MOSPD3: variants seen among roughly 807,000 people sequenced by gnomAD.
MOSPD3 encodes motile sperm domain-containing protein 3.
In MOSPD3, 20 loss-of-function variants were observed where a neutral mutation model predicts 23.3. That is an observed-to-expected ratio of 0.86 (90% CI 0.61 to 1.25). The LOEUF (loss-of-function observed/expected upper bound fraction) is 1.25, where lower values mean the gene tolerates loss of function less well. Among genes scored for constraint, MOSPD3 ranks in the 50% most tolerant of loss-of-function variants. The pLI, the probability that MOSPD3 is intolerant of heterozygous loss-of-function variation, is 0.00. For missense variants in MOSPD3, 307 were observed against 315.7 expected, an observed-to-expected ratio of 0.97 and a Z score of 0.21; for synonymous variants, 136 against 135.2, an observed-to-expected ratio of 1.01 and a Z score of -0.04.
intron 3 of MOSPD3, among the ~76,000 whole-genome samples, chr7:100,614,371 C>A (rs1300912483): frequency 6.6e-6 from 1 of 151,384 alleles, no homozygotes; most frequent in African/African-American, 2.4e-5. Flanking sequence ...GAGGCTAAGG[C>A]AGGAGAATCA....
At chr7:100,612,480 C>G, upstream of MOSPD3, 1 of 254,928 alleles carries the variant, frequency 3.9e-6, no homozygotes, top group Non-Finnish European at 7.5e-6. Context: ...AGATCGTGAG[C>G]TGGGCGTGAG....
At chr7:100,612,419 G>T (rs1802849682), upstream of MOSPD3, 1 of 162,978 alleles carries the variant, frequency 6.1e-6, no homozygotes, top group Non-Finnish European at 1.3e-5. Context: ...GGAGGCGGGC[G>T]TCCGGGAACG....
At chr7:100,613,379 C>A in intron 2 of MOSPD3, 98 bp from the exon 3 acceptor site, 1 of 1,544,150 alleles carries the variant, frequency 6.5e-7, no homozygotes, top group Non-Finnish European at 8.9e-7. Flanking sequence ...TATCCTCTGC[C>A]TGTGCCCCTA....
chr7:100,614,199 C>T (rs544255378), intron 3 of MOSPD3, among the ~76,000 whole-genome samples: 1 of 152,292 alleles, frequency 6.6e-6, no homozygotes, highest in South Asian at 2.1e-4. Context: ...TGTGATGGCT[C>T]ACGCCTATAA....
chr7:100,613,064 C>A, intron 1 of MOSPD3, 68 bp downstream of exon 1: 2 of 1,593,268 alleles, frequency 1.3e-6, no homozygotes, highest in South Asian at 2.2e-5. Context: ...CTGGAGGAGT[C>A]AGATGGGTAG....
Position 100,612,814 on chromosome 7 carries a change from A to T in MOSPD3, c.23A>T (p.Asp8Val). MRRGAPQ[D>V]QELVGPGPPG... ...TGCATGCGCCGTGGGGCGCCCCAGG[A>T]CCAGGAGCTGGTGGGTCCGGGGCCC... is the stretch of plus-strand genomic sequence containing the variant. The change falls in exon 1 of 5, where the codon GAC (aspartate) becomes GTC (valine). Residue 8 changes from aspartate to valine, a missense_variant. Transcript: ENST00000393950. The T allele has an allele frequency of 6.3e-7, 1 of 1,599,976 alleles. No homozygotes were observed. The highest frequency in any genetic ancestry group is 1.1e-5 in the South Asian group (1 of 90,208).
At chr7:100,613,107 G>A in intron 1 of MOSPD3, 87 bp from the exon 2 acceptor site, 1 of 1,580,702 alleles carries the variant, frequency 6.3e-7, no homozygotes, top group Non-Finnish European at 8.7e-7. Context: ...GACTGGGAAA[G>A]TCATGTCCAG....
chr7:100,613,374 T>C, intron 2 of MOSPD3, 103 bp from the exon 3 acceptor site: 2 of 1,544,086 alleles, frequency 1.3e-6, no homozygotes, highest in Non-Finnish European at 1.8e-6. Flanking sequence ...TGCCCTATCC[T>C]CTGCCTGTGC....
At position 100,615,294 on chromosome 7, in the gene MOSPD3, A is replaced by G. The variant is rs978539436; in HGVS notation, c.*111A>G. On this transcript the variant is annotated 3_prime_UTR_variant, in exon 5 of 5. Transcript: ENST00000393950. ...TCCTACCCTCTTCTCTTTCCTGCCT[A>G]CTCCCCACTCCTCCCTGACAAAAAA... 5 of 905,028 alleles carry G rather than the reference A, an allele frequency of 5.5e-6. No individual in the cohort carries two copies. The highest frequency in any genetic ancestry group is 6.6e-6 in the Non-Finnish European group (4 of 606,500). The allele number at this position is 905,028 out of a possible 1,614,324, so 56.1% of individuals were successfully genotyped here.
chr7:100,612,897 G>A lies in MOSPD3; in HGVS notation c.106G>A (p.Val36Ile), dbSNP rs1459465913. The change falls in exon 1 of 5, where the codon GTC becomes ATC. Residue 36 changes from valine (V) to isoleucine (I), a missense_variant. Transcript: ENST00000393950. The part of the protein sequence containing the change: ...PPLGPVVPVL[V>I]FPPDLVFRAD... ...CTTGGGACCCGTTGTCCCGGTCCTG[G>A]TCTTTCCCCCGGATCTAGTATTCAG... 6.2e-7 allele frequency: 1 copy of A among 1,613,412 alleles called. No individual in the cohort carries two copies. The highest frequency in any genetic ancestry group is 8.5e-7 in the Non-Finnish European group (1 of 1,179,878).
At position 100,615,139 on chromosome 7, in the gene MOSPD3, G is replaced by C; in HGVS notation, c.677-13G>C. ...GCCCATGCGACCCTATTCTTTCTTTGTCCCCCCTCCAGGCCTCCTCACCAT... is the reference window on the plus strand; with the variant it reads ...GCCCATGCGACCCTATTCTTTCTTTCTCCCCCCTCCAGGCCTCCTCACCAT... On this transcript the variant is annotated splice_polypyrimidine_tract_variant and intron_variant, in intron 4 of 4. Transcript: ENST00000393950. 1 of 1,614,048 alleles carries C rather than the reference G, an allele frequency of 6.2e-7. No homozygotes were observed. Among genetic ancestry groups the C allele is most frequent in the Non-Finnish European group, 8.5e-7 (1 of 1,179,998 alleles).
Position 100,614,725 on chromosome 7 carries a change from G to A in MOSPD3, c.512-142G>A, listed in dbSNP as rs1191151201. The A allele has an allele frequency of 1.6e-5, 15 of 953,738 alleles. 1 individual carries two copies. Among genetic ancestry groups the A allele is most frequent in the Non-Finnish European group, 2.3e-5 (15 of 659,760 alleles). The allele number at this position is 953,738 out of a possible 1,614,324, so 59.1% of individuals were successfully genotyped here. ...AGAGTTCCAGACCAGCCTGGACAAC[G>A]TAGTGAGACTCCATCTCTACAAAAA... On this transcript the variant is annotated intron_variant, in intron 3 of 4. Coordinates refer to ENST00000393950, the MANE Select transcript of MOSPD3 (RefSeq NM_023948.5).
In MOSPD3 at chr7:100,613,811, T is replaced by C. The variant is rs898331325; in HGVS notation, c.511+105T>C. 4 of 1,035,818 alleles carry C rather than the reference T, an allele frequency of 3.9e-6. No homozygotes were observed. In the Admixed American group the frequency reaches 6.9e-5, roughly 18 times the overall value. The allele number at this position is 1,035,818 out of a possible 1,614,324, so 64.2% of individuals were successfully genotyped here. ...TGAAGAAGTCTCCTGGTTCAGTCTT[T>C]TGTCTTTTGGTGGAAACATTCCTCC... On this transcript the variant is annotated intron_variant, in intron 3 of 4. Coordinates refer to ENST00000393950, the MANE Select transcript of MOSPD3 (RefSeq NM_023948.5).
chr7:100,613,663 T>C lies in MOSPD3; in HGVS notation c.468T>C (p.Pro156=). ...CAGATCCAGCGCCTCGCCCAGGGCC[T>C]CCTGCTGGGACACCACCACCCACGG... ...GQPDPAPRPG[P]PAGTPPPTAR... is the part of the protein sequence containing the mutation. The change falls in exon 3 of 5, where the codon CCT becomes CCC. Residue 156 remains proline, a synonymous_variant. Transcript: ENST00000393950. 1.2e-6 allele frequency: 2 copies of C among 1,613,774 alleles called. No individual in the cohort carries two copies. Among genetic ancestry groups the C allele is most frequent in the Non-Finnish European group, 1.7e-6 (2 of 1,180,014 alleles).
At chr7:100,613,859 G>A in intron 3 of MOSPD3, 153 bp downstream of exon 3, 1 of 737,764 alleles carries the variant, frequency 1.4e-6, no homozygotes, top group South Asian at 1.9e-5. Flanking sequence ...TATATCAGGT[G>A]AGGGGGAAAA....
At chr7:100,614,795 C>A in intron 3 of MOSPD3, 72 bp from the exon 4 acceptor site, 1 of 1,482,446 alleles carries the variant, frequency 6.7e-7, no homozygotes. Context: ...CTTCCTTGTT[C>A]AGGCTTCTCC....
chr7:100,612,514 G>C (rs1802852965), upstream of MOSPD3: 2 of 348,948 alleles, frequency 5.7e-6, no homozygotes, highest in Non-Finnish European at 1.0e-5. Flanking sequence ...TGGGAGCTGC[G>C]AGGGGCCGGG....
chr7:100,612,721 G>GC lies in MOSPD3; in HGVS notation c.-65dup. The GC allele has an allele frequency of 1.6e-6, 2 of 1,248,102 alleles. No individual in the cohort carries two copies. Among genetic ancestry groups the GC allele is most frequent in the Non-Finnish European group, 2.2e-6 (2 of 902,728 alleles). 77.3% of individuals were successfully genotyped at this position (1,248,102 alleles called of 1,614,324 possible). ...CATCTTGTCCCCTTTCGCCCCTCAC[G>GC]CCCCCCAGCTCTGACTCCAGGCCCT... On this transcript the variant is annotated 5_prime_UTR_variant, in exon 1 of 5. Coordinates refer to ENST00000393950, the MANE Select transcript of MOSPD3 (RefSeq NM_023948.5).
intron 3 of MOSPD3, 139 bp downstream of exon 3, chr7:100,613,845 AT>A: frequency 1.3e-6 from 1 of 779,306 alleles, no homozygotes; most frequent in Non-Finnish European, 2.0e-6. Context: ...CCGAGTTGAG[AT>A]TTTATATCAG....
Sources: allele counts gnomAD v4.1 joint callset (sites outside exome capture counted in the v4.1 genomes callset), GRCh38; gene constraint gnomAD v4.1.1; transcripts MANE v1.5; gene names NCBI Gene and HGNC (gene_info 2026-07-23, HGNC 2026-07-21).